Variants in TAX1BP3 observed in about 807,000 individuals in gnomAD.
TAX1BP3 encodes the protein tax1-binding protein 3.
In TAX1BP3, 13 loss-of-function variants were observed where a neutral mutation model predicts 15.3. The observed-to-expected ratio is 0.85, with a 90% CI of 0.55 to 1.35. The LOEUF is 1.35. TAX1BP3 is among the 40% of genes most tolerant of loss of function. The pLI, the probability that TAX1BP3 is intolerant of heterozygous loss-of-function variation, is 0.00. For missense variants in TAX1BP3, 147 were observed against 169.6 expected (o/e 0.87, Z 0.74); for synonymous variants, 70 against 66.0 (o/e 1.06, Z -0.30).
chr17:3,664,963 C>T (rs1304643347), intron 1 of TAX1BP3, among the ~76,000 whole-genome samples, 165 bp from the exon 2 acceptor site: 1 of 152,188 alleles, frequency 6.6e-6, no homozygotes. Context: ...GCACTCAGAA[C>T]TTGGCCACAT....
At chr17:3,667,117 G>A (rs970235848) in intron 1 of TAX1BP3, among the ~76,000 whole-genome samples, 1 of 152,152 alleles carries the variant, frequency 6.6e-6, no homozygotes, top group Admixed American at 6.5e-5. Flanking sequence ...GCTGAGGCAG[G>A]TGGATCACCA....
At position 3,668,181 on chromosome 17, in the gene TAX1BP3, CG is replaced by C. The variant is rs1051383690; in HGVS notation, c.39+306del. Among the ~76,000 whole-genome samples, 4 of 152,334 alleles carry C rather than the reference CG, an allele frequency of 2.6e-5. No homozygotes were observed. The highest frequency in any genetic ancestry group is 9.6e-5 in the African/African-American group (4 of 41,582). ...CCCAGCAGCTCCCCGTCTGGGGACACGGAGGCCCGGGAAGGGGGCGCTTTTC... is the reference window on the plus strand; with the variant it reads ...CCCAGCAGCTCCCCGTCTGGGGACACGAGGCCCGGGAAGGGGGCGCTTTTC... On this transcript the variant is annotated intron_variant, in intron 1 of 3. Transcript: ENST00000225525. This position sits in a 1 kb window ranked among gnomAD's most constrained non-coding sequence, Gnocchi z 4.1.
chr17:3,665,122 A>G, intron 1 of TAX1BP3: 2 of 743,700 alleles, frequency 2.7e-6, no homozygotes, highest in Non-Finnish European at 2.4e-6. Context: ...CCCGTCTCAC[A>G]GGAGGTGCTC....
chr17:3,663,845 G>T lies in TAX1BP3; in HGVS notation c.278C>A (p.Ala93Asp). 4.3e-6 allele frequency: 7 copies of T among 1,609,536 alleles called. No homozygotes were observed. The highest frequency in any genetic ancestry group is 5.9e-6 in the Non-Finnish European group (7 of 1,179,964). Residue 93 changes from alanine (A) to aspartate (D), a missense_variant, in exon 4 of 4, where the codon GCC becomes GAC. Coordinates refer to ENST00000225525, the MANE Select transcript of TAX1BP3 (RefSeq NM_014604.4). ...WDMTMVTHDQARKRLTKRSEE... is the reference protein window; with the variant it reads ...WDMTMVTHDQDRKRLTKRSEE... ...CGAGCGCTTGGTGAGCCGCTTGCGG[G>T]CCTGGTCGTGTGTGACCATGGTCAT...
At chr17:3,664,853 T>C in intron 1 of TAX1BP3, 55 bp from the exon 2 acceptor site, 1 of 1,587,384 alleles carries the variant, frequency 6.3e-7, no homozygotes, top group Non-Finnish European at 8.6e-7. Context: ...ATTAGGCTGG[T>C]GGGTGTTCCC....
rs1009262881 is a variant in TAX1BP3, at chr17:3,668,072, C to T, written c.39+416G>A. Among the ~76,000 whole-genome samples, 9 of 152,262 alleles carry T rather than the reference C, an allele frequency of 5.9e-5. No homozygotes were observed. The highest frequency in any genetic ancestry group is 1.2e-4 in the Non-Finnish European group (8 of 68,044). On this transcript the variant is annotated intron_variant, in intron 1 of 3. Transcript: ENST00000225525. The surrounding 1 kb of genome is among the most constrained non-coding windows in gnomAD (Gnocchi z 4.1). ...AGAGCCCCACCCCCAGATCTCCCTC[C>T]GGGCGGCGGCGCAGGCTGCAGCGGA...
chr17:3,668,400 C>T lies in TAX1BP3; in HGVS notation c.39+88G>A, dbSNP rs1033931288. 8.6e-6 allele frequency: 13 copies of T among 1,506,338 alleles called. No homozygotes were observed. The highest frequency in any genetic ancestry group is 1.2e-5 in the Non-Finnish European group (13 of 1,118,260). The allele number at this position is 1,506,338 out of a possible 1,614,324, so 93.3% of individuals were successfully genotyped here. The stretch of plus-strand genomic sequence containing the variant: ...GTTCGCAGGAGCCCCGGGTTCGATG[C>T]TCTGTCAACCTGCTTGGGGTGTCCG... On this transcript the variant is annotated intron_variant, in intron 1 of 3. Coordinates refer to ENST00000225525, the MANE Select transcript of TAX1BP3 (RefSeq NM_014604.4). The surrounding 1 kb of genome is among the most constrained non-coding windows in gnomAD (Gnocchi z 4.1).
intron 1 of TAX1BP3, among the ~76,000 whole-genome samples, chr17:3,666,840 C>G (rs571215341): frequency 2.0e-5 from 3 of 152,292 alleles, no homozygotes; most frequent in South Asian, 4.1e-4. Flanking sequence ...GTGCCTGGGT[C>G]CTCATGCCCC....
chr17:3,667,766 GCCTT>G lies in TAX1BP3; in HGVS notation c.39+718_39+721del, dbSNP rs2076357602. Among the ~76,000 whole-genome samples, 5 of 152,326 alleles carry G rather than the reference GCCTT, an allele frequency of 3.3e-5. No homozygotes were observed. In the South Asian group the frequency reaches 1.0e-3, roughly 32 times the overall value. On this transcript the variant is annotated intron_variant, in intron 1 of 3. Transcript: ENST00000225525. ...ACCGGCGTCTGAGTCTAACGTCCCA[GCCTT>G]CCTTCCTCCCTCTGCCTAGTCTAAT...
intron 1 of TAX1BP3, chr17:3,665,374 T>A: frequency 7.3e-7 from 1 of 1,366,028 alleles, no homozygotes; most frequent in Non-Finnish European, 1.0e-6. Flanking sequence ...CAAAAAGGAA[T>A]GCCCCACAAG....
At chr17:3,667,629 G>A (rs562615499) in intron 1 of TAX1BP3, among the ~76,000 whole-genome samples, 1 of 152,318 alleles carries the variant, frequency 6.6e-6, no homozygotes, top group Non-Finnish European at 1.5e-5. Context: ...TTCTCTGAAC[G>A]CTGTCGGGAG....
At chr17:3,665,542 G>A (rs1460608892) in intron 1 of TAX1BP3, 27 of 1,361,530 alleles carry the variant, frequency 2.0e-5, no homozygotes, top group South Asian at 3.5e-5. Flanking sequence ...TTCCTGGAAC[G>A]CGTGAAGGAA....
intron 1 of TAX1BP3, among the ~76,000 whole-genome samples, chr17:3,667,168 A>AC (rs1355965685): frequency 3.3e-5 from 5 of 151,840 alleles, no homozygotes; most frequent in African/African-American, 1.2e-4. Flanking sequence ...ACATGGTGAA[A>AC]CCCCGTTCTA....
At chr17:3,667,081 C>T (rs1423396351) in intron 1 of TAX1BP3, among the ~76,000 whole-genome samples, 3 of 152,102 alleles carry the variant, frequency 2.0e-5, no homozygotes, top group Admixed American at 6.6e-5. Context: ...TGGTGCCTCA[C>T]GCCTGTAATC....
rs1375668019 is a variant in TAX1BP3 at position 3,663,165 on chromosome 17, C to T, written c.*583G>A. Reference sequence around the variant, plus strand: ...CTGATAGGTGAGCCTCGAACCTCGTCTAAATCCGTAAGAAGGCAAACCCTG... The same window carrying T: ...CTGATAGGTGAGCCTCGAACCTCGTTTAAATCCGTAAGAAGGCAAACCCTG... On this transcript the variant is annotated 3_prime_UTR_variant, in exon 4 of 4. Transcript: ENST00000225525. The T allele has an allele frequency of 2.0e-5, 3 of 152,338 alleles. No individual in the cohort carries two copies. The highest frequency in any genetic ancestry group is 4.4e-5 in the Non-Finnish European group (3 of 68,104). 9.4% of individuals were successfully genotyped at this position (152,338 alleles called of 1,614,324 possible).
chr17:3,667,522 CCAG>C (rs1168198402), intron 1 of TAX1BP3, among the ~76,000 whole-genome samples: 1 of 152,198 alleles, frequency 6.6e-6, no homozygotes, highest in East Asian at 1.9e-4. Context: ...TGGAGCTTCT[CCAG>C]CACACCCAAC....
At position 3,663,173 on chromosome 17, in the gene TAX1BP3, G is replaced by T. The variant is rs149526815; in HGVS notation, c.*575C>A. The T allele has an allele frequency of 1.3e-5, 2 of 152,332 alleles. No individual in the cohort carries two copies. Among genetic ancestry groups the T allele is most frequent in the Admixed American group, 1.3e-4 (2 of 15,282 alleles). 9.4% of individuals were successfully genotyped at this position (152,332 alleles called of 1,614,324 possible). A position where few individuals can be genotyped will look rare whatever the true frequency, so the allele number is the denominator to read the frequency against. ...TGAGCCTCGAACCTCGTCTAAATCC[G>T]TAAGAAGGCAAACCCTGGGGAGGCC... On this transcript the variant is annotated 3_prime_UTR_variant, in exon 4 of 4. Transcript: ENST00000225525.
chr17:3,667,655 G>A, intron 1 of TAX1BP3, among the ~76,000 whole-genome samples: 1 of 152,196 alleles, frequency 6.6e-6, no homozygotes, highest in East Asian at 1.9e-4. Context: ...CAGGAGACCT[G>A]AGTCTTTCCT....
Position 3,668,459 on chromosome 17 carries a change from C to A in TAX1BP3, c.39+29G>T. Reference sequence around the variant, plus strand: ...TCTGCGAGGTGGGGTCAGGCCAAGACGAGGAGGAGCCCGCGCAAGCGCACT... The same window carrying A: ...TCTGCGAGGTGGGGTCAGGCCAAGAAGAGGAGGAGCCCGCGCAAGCGCACT... On this transcript the variant is annotated intron_variant, in intron 1 of 3. Transcript: ENST00000225525. This position sits in a 1 kb window ranked among gnomAD's most constrained non-coding sequence, Gnocchi z 4.1. 6.2e-7 allele frequency: 1 copy of A among 1,606,454 alleles called. No individual in the cohort carries two copies. The highest frequency in any genetic ancestry group is 8.5e-7 in the Non-Finnish European group (1 of 1,177,206).
Sources: gnomAD v4.1 joint callset for allele counts (sites outside exome capture counted in the v4.1 genomes callset) on GRCh38, gnomAD v4.1.1 for gene constraint, Gnocchi (gnomAD v3.1) non-coding constraint, MANE v1.5 for transcripts, NCBI Gene and HGNC (gene_info 2026-07-23, HGNC 2026-07-21) for gene names.